HCN2: variants seen among roughly 807,000 people sequenced by gnomAD.
The protein encoded by HCN2 is potassium/sodium hyperpolarization-activated cyclic nucleotide-gated channel 2.
HCN2 carries 20 observed loss-of-function variants against 52.3 expected under a neutral mutation model. That is an observed-to-expected ratio of 0.38 (90% confidence interval 0.27 to 0.56). The LOEUF is 0.56. Among genes scored for constraint, HCN2 ranks in the 20% least tolerant of loss-of-function variants. HCN2 has a pLI of 0.71. For synonymous variants in HCN2, 694 were observed against 537.0 expected (o/e 1.29, Z -4.04); for missense variants, 981 against 1,207.7 (o/e 0.81, Z 2.78).
At chr19:593,668 C>T (rs187611987) in intron 1 of HCN2, among the ~76,000 whole-genome samples, 1 of 152,260 alleles carries the variant, frequency 6.6e-6, no homozygotes, top group East Asian at 1.9e-4. Context: ...TTGCTGAAGT[C>T]TCTGGGGCTG....
Position 592,521 on chromosome 19 carries a change from A to G in HCN2, c.632+1944A>G, listed in dbSNP as rs1439917339. On this transcript the variant is annotated intron_variant, in intron 1 of 7. Coordinates refer to ENST00000251287, the MANE Select transcript of HCN2 (RefSeq NM_001194.4). This position sits in a 1 kb window ranked among gnomAD's most constrained non-coding sequence, Gnocchi z 4.8. The stretch of plus-strand genomic sequence containing the variant: ...CTGTGCTCTGAGGCATAGAGGGCTC[A>G]GAGGCCCCTGTGTGGACCAAGTGCA... Among the ~76,000 whole-genome samples the G allele has an allele frequency of 6.6e-6, 1 of 152,188 alleles. No individual in the cohort carries two copies. The highest frequency in any genetic ancestry group is 1.5e-5 in the Non-Finnish European group (1 of 68,028).
chr19:610,133 G>C (rs533953467), intron 4 of HCN2, 126 bp from the exon 5 acceptor site: 33 of 1,136,662 alleles, frequency 2.9e-5, no homozygotes, highest in Middle Eastern at 3.0e-4. Context: ...GCAGGTGCCC[G>C]TGTGCCCGCT....
chr19:612,427 T>TGTGTGTGTGTGTGTGTGTGTGTGGGA, intron 5 of HCN2, among the ~76,000 whole-genome samples: 7 of 142,256 alleles, frequency 4.9e-5, no homozygotes, highest in Non-Finnish European at 9.2e-5. Flanking sequence ...TGTGTGTGTG[T>TGTGTGTGTGTGTGTGTGTGTGTGGGA]GAGAGAGAGA....
rs1052427548 is a variant in HCN2, at chr19:591,265, G to A, written c.632+688G>A. 4 of 152,398 alleles carry A rather than the reference G, an allele frequency of 2.6e-5. No individual in the cohort carries two copies. Among genetic ancestry groups the A allele is most frequent in the African/African-American group, 9.6e-5 (4 of 41,468 alleles). The allele number at this position is 152,398 out of a possible 1,614,324, so 9.4% of individuals were successfully genotyped here. A position where few individuals can be genotyped will look rare whatever the true frequency, so the allele number is the denominator to read the frequency against. On this transcript the variant is annotated intron_variant, in intron 1 of 7. Coordinates refer to ENST00000251287, the MANE Select transcript of HCN2 (RefSeq NM_001194.4). The surrounding 1 kb of genome is among the most constrained non-coding windows in gnomAD (Gnocchi z 4.1). ...CTGGGCTGTGCGTGCTGTGGCCGGA[G>A]AGCGAGACCGGCGCGTGTCCCCGTG...
Position 613,329 on chromosome 19 carries a change from A to G in HCN2, c.1666A>G (p.Met556Val). Residue 556 changes from methionine to valine, a missense_variant, in exon 6 of 8, where the codon ATG becomes GTG. Met to Val is a conservative substitution (Grantham distance 21). Transcript: ENST00000251287. Reference protein sequence around the residue: ...ANADPNFVTAMLTKLKFEVFQ... With the variant: ...ANADPNFVTAVLTKLKFEVFQ... ...CGCCGACCCCAACTTCGTCACGGCC[A>G]TGCTGACCAAGCTCAAGTTCGAGGT... The G allele has an allele frequency of 6.2e-7, 1 of 1,613,046 alleles. No individual in the cohort carries two copies. The highest frequency in any genetic ancestry group is 8.5e-7 in the Non-Finnish European group (1 of 1,179,928).
At chr19:602,608 C>G (rs998791190) in intron 1 of HCN2, among the ~76,000 whole-genome samples, 2 of 152,192 alleles carry the variant, frequency 1.3e-5, no homozygotes, top group African/African-American at 4.8e-5. Flanking sequence ...TCCCTGTGCG[C>G]GCCGCCCTGC....
intron 2 of HCN2, among the ~76,000 whole-genome samples, 167 bp from the exon 3 acceptor site, chr19:604,894 C>CA (rs1387746283): frequency 4.2e-4 from 40 of 94,620 alleles, no homozygotes; most frequent in Admixed American, 1.6e-3. Context: ...GTTTGGAGGG[C>CA]GGGGGTCCCG....
At chr19:595,025 A>AC (rs988435551) in intron 1 of HCN2, among the ~76,000 whole-genome samples, 13 of 150,936 alleles carry the variant, frequency 8.6e-5, no homozygotes, top group African/African-American at 3.2e-4. Flanking sequence ...ACATAGCAAG[A>AC]CCCCCATCTC....
intron 5 of HCN2, among the ~76,000 whole-genome samples, chr19:610,719 T>C (rs1195674425): frequency 6.6e-6 from 1 of 152,154 alleles, no homozygotes; most frequent in Non-Finnish European, 1.5e-5. Flanking sequence ...GAGCACCAGG[T>C]CCTGGGGGCA....
At position 592,494 on chromosome 19, in the gene HCN2, C is replaced by G. The variant is rs1040251727; in HGVS notation, c.632+1917C>G. Among the ~76,000 whole-genome samples, 1 of 152,150 alleles carries G rather than the reference C, an allele frequency of 6.6e-6. No individual in the cohort carries two copies. The highest frequency in any genetic ancestry group is 2.4e-5 in the African/African-American group (1 of 41,430). ...GAGGCCTGGGCAGGCTGTGGCCCCG[C>G]TCTGTGCTCTGAGGCATAGAGGGCT... On this transcript the variant is annotated intron_variant, in intron 1 of 7. Coordinates refer to ENST00000251287, the MANE Select transcript of HCN2 (RefSeq NM_001194.4). The surrounding 1 kb of genome is among the most constrained non-coding windows in gnomAD (Gnocchi z 4.8).
chr19:616,941 G>A lies in HCN2; in HGVS notation c.*467G>A. 2.6e-6 allele frequency: 1 copy of A among 385,068 alleles called. No homozygotes were observed. The highest frequency in any genetic ancestry group is 4.8e-6 in the Non-Finnish European group (1 of 207,058). 23.9% of individuals were successfully genotyped at this position (385,068 alleles called of 1,614,324 possible). ...TAACCGGCCCGGCCCCCGTCCGCGC[G>A]CGTCCCCCGGTGACCTCGGGGAGCA... is the stretch of plus-strand genomic sequence containing the variant. On this transcript the variant is annotated 3_prime_UTR_variant, in exon 8 of 8. Coordinates refer to ENST00000251287, the MANE Select transcript of HCN2 (RefSeq NM_001194.4).
Position 590,482 on chromosome 19 carries a change from G to A in HCN2, c.537G>A (p.Ser179=). 1 of 1,523,352 alleles carries A rather than the reference G, an allele frequency of 6.6e-7. No individual in the cohort carries two copies. Among genetic ancestry groups the A allele is most frequent in the Non-Finnish European group, 8.8e-7 (1 of 1,130,722 alleles). 94.4% of individuals were successfully genotyped at this position (1,523,352 alleles called of 1,614,324 possible). The change falls in exon 1 of 8, where the codon TCG becomes TCA. Residue 179 remains serine, a synonymous_variant. Coordinates refer to ENST00000251287, the MANE Select transcript of HCN2 (RefSeq NM_001194.4). This position sits in a 1 kb window ranked among gnomAD's most constrained non-coding sequence, Gnocchi z 7.2. Reference sequence around the variant, plus strand: ...TGCAGCCGGGCGTCAACAAGTTCTCGCTGCGGATGTTCGGCAGCCAGAAGG... The same window carrying A: ...TGCAGCCGGGCGTCAACAAGTTCTCACTGCGGATGTTCGGCAGCCAGAAGG... ...ALLQPGVNKF[S]LRMFGSQKAV...
At chr19:597,936 C>G (rs1983087815) in intron 1 of HCN2, among the ~76,000 whole-genome samples, 1 of 152,212 alleles carries the variant, frequency 6.6e-6, no homozygotes. Context: ...CTCCTCGCCC[C>G]TCGTGGGGGA....
At position 591,855 on chromosome 19, in the gene HCN2, C is replaced by G. The variant is rs1337208191; in HGVS notation, c.632+1278C>G. 1.3e-5 allele frequency among the ~76,000 whole-genome samples: 2 copies of G among 152,202 alleles called. No homozygotes were observed. Among genetic ancestry groups the G allele is most frequent in the African/African-American group, 4.8e-5 (2 of 41,450 alleles). On this transcript the variant is annotated intron_variant, in intron 1 of 7. Coordinates refer to ENST00000251287, the MANE Select transcript of HCN2 (RefSeq NM_001194.4). This position sits in a 1 kb window ranked among gnomAD's most constrained non-coding sequence, Gnocchi z 4.1. ...CACCCCTAGTGCTTGACTGGAGAAA[C>G]TGAGGCCTGGGGCACATGCGTCCTG...
rs558893456 is a variant in HCN2 at position 592,556 on chromosome 19, C to A, written c.632+1979C>A. Among the ~76,000 whole-genome samples the A allele has an allele frequency of 2.0e-5, 3 of 152,136 alleles. No individual in the cohort carries two copies. Among genetic ancestry groups the A allele is most frequent in the Non-Finnish European group, 4.4e-5 (3 of 68,018 alleles). On this transcript the variant is annotated intron_variant, in intron 1 of 7. Transcript: ENST00000251287. This position sits in a 1 kb window ranked among gnomAD's most constrained non-coding sequence, Gnocchi z 4.8. ...GTGTGGACCAAGTGCAGCCCCACCCCGGCAGATGAGTGTTGAAGTGGAACT... is the reference window on the plus strand; with the variant it reads ...GTGTGGACCAAGTGCAGCCCCACCCAGGCAGATGAGTGTTGAAGTGGAACT...
Position 603,746 on chromosome 19 carries a change from C to A in HCN2, c.835C>A (p.Pro279Thr), listed in dbSNP as rs1467032996. 2 of 1,612,912 alleles carry A rather than the reference C, an allele frequency of 1.2e-6. No homozygotes were observed. Among genetic ancestry groups the A allele is most frequent in the African/African-American group, 1.3e-5 (1 of 74,996 alleles). ...IEDNTEIILD[P>T]EKIKKKYLRT... The stretch of plus-strand genomic sequence containing the variant: ...GGACAACACGGAGATCATCCTGGAC[C>A]CCGAGAAGATCAAGAAGAAGTATCT... The change falls in exon 2 of 8, where the codon CCC becomes ACC. Residue 279 changes from proline (P) to threonine (T), a missense_variant. Physicochemically the swap from Pro to Thr is conservative, Grantham distance 38 (BLOSUM62 -1). Transcript: ENST00000251287.
intron 5 of HCN2, among the ~76,000 whole-genome samples, chr19:612,849 T>G (rs1273617265): frequency 7.6e-6 from 1 of 130,996 alleles, no homozygotes; most frequent in East Asian, 2.2e-4. Flanking sequence ...TGGCTGTTTT[T>G]TTTTTTTCCG....
chr19:613,612 GATGGGGAT>G, intron 6 of HCN2, 124 bp downstream of exon 6: 6 of 102,638 alleles, frequency 5.8e-5, no homozygotes, highest in African/African-American at 2.9e-4. Flanking sequence ...TGGGGCCGGG[GATGGGGAT>G]GGGGATGGGG....
rs759894559 is a variant in HCN2, at chr19:590,409, C to G, written c.464C>G (p.Pro155Arg). ...GAGGAGGCGGGCCCGGCGGGGGAGC[C>G]GCGCGGCAGCCAGGCCAGCTTCATG... Reference protein sequence around the residue: ...GSEEAGPAGEPRGSQASFMQR... With the variant: ...GSEEAGPAGERRGSQASFMQR... Residue 155 changes from proline to arginine, a missense_variant, in exon 1 of 8, where the codon CCG becomes CGG. Pro to Arg is a moderately radical substitution (Grantham distance 103, BLOSUM62 -2). Around this residue, in one of 6 missense-constraint regions of HCN2, gnomAD observed 215 missense variants for 179.4 expected, o/e 1.20. Transcript: ENST00000251287. The surrounding 1 kb of genome is among the most constrained non-coding windows in gnomAD (Gnocchi z 7.2). 1 of 1,360,768 alleles carries G rather than the reference C, an allele frequency of 7.3e-7. No homozygotes were observed. Among genetic ancestry groups the G allele is most frequent in the Non-Finnish European group, 9.6e-7 (1 of 1,044,020 alleles). 84.3% of individuals were successfully genotyped at this position (1,360,768 alleles called of 1,614,324 possible).
Sources: gnomAD v4.1 joint callset for allele counts (sites outside exome capture counted in the v4.1 genomes callset) on GRCh38, gnomAD v4.1.1 for gene constraint, gnomAD v4.1.1 regional missense constraint, Gnocchi (gnomAD v3.1) non-coding constraint, MANE v1.5 for transcripts, NCBI Gene and HGNC (gene_info 2026-07-23, HGNC 2026-07-21) for gene names.